SIPA1L3: variants seen among roughly 807,000 people sequenced by gnomAD.
The protein encoded by SIPA1L3 is signal-induced proliferation-associated 1-like protein 3.
SIPA1L3 carries 59 observed loss-of-function variants against 150.1 expected under a neutral mutation model. That is an observed-to-expected ratio of 0.39 (90% CI 0.32 to 0.49). The LOEUF (loss-of-function observed/expected upper bound fraction) is 0.49, where lower values mean the gene tolerates loss of function less well. Among genes scored for constraint, SIPA1L3 ranks in the 20% least tolerant of loss-of-function variants. The pLI is 0.86. For synonymous variants in SIPA1L3, 1,070 were observed against 1,077.6 expected (o/e 0.99, Z 0.14); for missense variants, 2,211 against 2,489.5 (o/e 0.89, Z 2.38).
At position 38,022,541 on chromosome 19, in the gene SIPA1L3, T is replaced by TACACACACACACACAC. The variant is rs370159585; in HGVS notation, c.-378-6543_-378-6542insCACACACACACACACA. Among the ~76,000 whole-genome samples the TACACACACACACACAC allele has an allele frequency of 5.3e-3, 788 of 148,308 alleles. 5 individuals carry two copies. The highest frequency in any genetic ancestry group is 0.019 in the African/African-American group (748 of 39,946). On this transcript the variant is annotated intron_variant, in intron 1 of 21. Coordinates refer to ENST00000222345, the MANE Select transcript of SIPA1L3 (RefSeq NM_015073.3). ...GGTGAAACCCCGTCTCTACTAAAAA[T>TACACACACACACACAC]ACACAGACACACACAAAAAAATCGG...
intron 2 of SIPA1L3, among the ~76,000 whole-genome samples, chr19:38,033,162 G>A (rs1257622038): frequency 2.0e-5 from 3 of 152,240 alleles, no homozygotes; most frequent in African/African-American, 4.8e-5. Context: ...GCTGGAGCCA[G>A]TCTTATCCCT....
At chr19:38,141,938 C>T (rs564020058) in intron 11 of SIPA1L3, among the ~76,000 whole-genome samples, 15 of 152,258 alleles carry the variant, frequency 9.9e-5, no homozygotes, top group Admixed American at 9.2e-4. Flanking sequence ...GCTGTGATTG[C>T]ACCACTGCAC....
In SIPA1L3 at chr19:38,082,040, C is replaced by T; in HGVS notation, c.475C>T (p.Pro159Ser). 2 of 1,614,018 alleles carry T rather than the reference C, an allele frequency of 1.2e-6. No homozygotes were observed. The highest frequency in any genetic ancestry group is 1.1e-5 in the South Asian group (1 of 91,088). ...GTTCCAGGACGGGTGGCCCCGGTCCCCCGGCAGGGCCTTCCTCCCCCTTCG... is the reference window on the plus strand; with the variant it reads ...GTTCCAGGACGGGTGGCCCCGGTCCTCCGGCAGGGCCTTCCTCCCCCTTCG... ...VEFQDGWPRSPGRAFLPLRHR... is the reference protein window; with the variant it reads ...VEFQDGWPRSSGRAFLPLRHR... Residue 159 changes from proline (P) to serine (S), a missense_variant, in exon 3 of 22, where the codon CCC (proline) becomes TCC (serine). Physicochemically the swap from Pro to Ser is moderately conservative, Grantham distance 74. Transcript: ENST00000222345.
chr19:38,140,757 T>G (rs1971556259), intron 10 of SIPA1L3, among the ~76,000 whole-genome samples: 1 of 151,994 alleles, frequency 6.6e-6, no homozygotes, highest in African/African-American at 2.4e-5. Context: ...TCACTCGACT[T>G]TTAAAATAGG....
chr19:37,939,573 C>T (rs984239252), intron 1 of SIPA1L3, among the ~76,000 whole-genome samples: 1 of 152,176 alleles, frequency 6.6e-6, no homozygotes, highest in African/African-American at 2.4e-5. Flanking sequence ...CTTCTGGCTC[C>T]ACCACCTGTA....
At chr19:38,154,116 T>G (rs544976160) in intron 13 of SIPA1L3, among the ~76,000 whole-genome samples, 2 of 152,292 alleles carry the variant, frequency 1.3e-5, no homozygotes, top group South Asian at 4.1e-4. Flanking sequence ...GGTTTTGAAT[T>G]TCATAGAATA....
chr19:37,979,386 T>TAA (rs1214746680), intron 1 of SIPA1L3, among the ~76,000 whole-genome samples: 2 of 139,702 alleles, frequency 1.4e-5, no homozygotes, highest in Non-Finnish European at 3.1e-5. Flanking sequence ...CTATCTCTAC[T>TAA]AAAAAAAAAA....
intron 1 of SIPA1L3, among the ~76,000 whole-genome samples, chr19:38,021,544 C>G (rs1014020596): frequency 7.0e-6 from 1 of 143,490 alleles, no homozygotes; most frequent in African/African-American, 2.6e-5. Context: ...GAGTCTGATC[C>G]TTTTTTTTTT....
At chr19:38,169,570 G>A (rs2145995345) in intron 15 of SIPA1L3, among the ~76,000 whole-genome samples, 1 of 152,246 alleles carries the variant, frequency 6.6e-6, no homozygotes, top group African/African-American at 2.4e-5. Flanking sequence ...ATAGGGATGT[G>A]GTAAAGATTG....
At chr19:38,048,544 C>G (rs969858216) in intron 2 of SIPA1L3, among the ~76,000 whole-genome samples, 2 of 152,184 alleles carry the variant, frequency 1.3e-5, no homozygotes, top group African/African-American at 4.8e-5. Flanking sequence ...ATGCCACATC[C>G]TGATCACTCT....
intron 2 of SIPA1L3, among the ~76,000 whole-genome samples, chr19:38,064,053 G>A (rs909667763): frequency 2.0e-5 from 3 of 152,242 alleles, no homozygotes; most frequent in South Asian, 2.1e-4. Context: ...AAACATGGCT[G>A]TAGCTGCTGG....
intron 7 of SIPA1L3, among the ~76,000 whole-genome samples, 191 bp downstream of exon 7, chr19:38,106,831 T>G (rs564219952): frequency 4.3e-4 from 66 of 152,230 alleles, no homozygotes; most frequent in Non-Finnish European, 8.7e-4. Flanking sequence ...GGCCCCAGTC[T>G]TTCCTGCTGC....
intron 2 of SIPA1L3, among the ~76,000 whole-genome samples, chr19:38,072,994 G>A (rs775827767): frequency 5.9e-5 from 9 of 152,188 alleles, no homozygotes; most frequent in Admixed American, 2.0e-4. Flanking sequence ...ACCCTGATGC[G>A]TCCCCACTGG....
At chr19:38,150,249 G>A (rs769901322) in intron 12 of SIPA1L3, among the ~76,000 whole-genome samples, 8 of 152,104 alleles carry the variant, frequency 5.3e-5, no homozygotes, top group Non-Finnish European at 1.0e-4. Flanking sequence ...AGGATGGTGT[G>A]TTTTTTCCTG....
At chr19:37,952,703 A>G (rs2046775575) in intron 1 of SIPA1L3, among the ~76,000 whole-genome samples, 1 of 152,222 alleles carries the variant, frequency 6.6e-6, no homozygotes, top group African/African-American at 2.4e-5. Flanking sequence ...AAATAAATAA[A>G]TAATTCTCCA....
chr19:38,142,373 G>T (rs1297163395), intron 11 of SIPA1L3, among the ~76,000 whole-genome samples, 200 bp from the exon 12 acceptor site: 1 of 152,182 alleles, frequency 6.6e-6, no homozygotes, highest in Non-Finnish European at 1.5e-5. Context: ...GAGCATCCCA[G>T]CTTCTCTCGC....
intron 1 of SIPA1L3, among the ~76,000 whole-genome samples, chr19:37,948,021 G>A (rs1371234744): frequency 7.2e-5 from 11 of 152,180 alleles, no homozygotes; most frequent in Admixed American, 6.5e-5. Flanking sequence ...CCCCCTCCAC[G>A]GGGCCCTGGC....
intron 15 of SIPA1L3, among the ~76,000 whole-genome samples, chr19:38,174,594 C>A (rs1489962960): frequency 6.6e-6 from 1 of 152,124 alleles, no homozygotes; most frequent in African/African-American, 2.4e-5. Context: ...GCTCGCCTCT[C>A]ATCCCAGCAC....
At chr19:38,111,974 CACAT>C (rs1970765131) in intron 8 of SIPA1L3, among the ~76,000 whole-genome samples, 1 of 94,218 alleles carries the variant, frequency 1.1e-5, no homozygotes, top group Non-Finnish European at 2.0e-5. Context: ...TACATGCACA[CACAT>C]GCACACAGGC....
Sources: gnomAD v4.1 joint callset for allele counts (sites outside exome capture counted in the v4.1 genomes callset) on GRCh38, gnomAD v4.1.1 for gene constraint, MANE v1.5 for transcripts, NCBI Gene and HGNC (gene_info 2026-07-23, HGNC 2026-07-21) for gene names.